NDUFB8: variants seen among roughly 807,000 people sequenced by gnomAD.
NDUFB8 encodes NADH:ubiquinone oxidoreductase subunit B8.
NDUFB8 carries 17 observed loss-of-function variants against 26.0 expected under a neutral mutation model. The observed-to-expected ratio is 0.65, with a 90% CI of 0.45 to 0.98. The LOEUF (loss-of-function observed/expected upper bound fraction) is 0.98, where lower values mean the gene tolerates loss of function less well. Among genes scored for constraint, NDUFB8 ranks in the 50% least tolerant of loss-of-function variants. The pLI is 0.00. For synonymous variants in NDUFB8, 89 were observed against 93.1 expected (o/e 0.96, Z 0.25); for missense variants, 238 against 255.0 (o/e 0.93, Z 0.45).
chr10:100,529,168 A>C, intron 2 of NDUFB8: 32 of 378,454 alleles, frequency 8.5e-5, no homozygotes, highest in East Asian at 2.4e-4. Context: ...TCATTTGAGG[A>C]AACAGCCTGA....
rs115871008 is a variant in NDUFB8, at chr10:100,526,859, T to G, written c.312+116A>C. ...TCTCAGATCTCACATCACTGGACCT[T>G]GCTTCCTTGAGCAGGAAAGCTTAGT... On this transcript the variant is annotated intron_variant, in intron 3 of 4. Coordinates refer to ENST00000299166, the MANE Select transcript of NDUFB8 (RefSeq NM_005004.4). The G allele has an allele frequency of 2.3e-3, 2,278 of 991,654 alleles. 22 individuals are homozygous for G. In the African/African-American group the frequency reaches 0.026, roughly 11 times the overall value. The allele number at this position is 991,654 out of a possible 1,614,324, so 61.4% of individuals were successfully genotyped here.
intron 3 of NDUFB8, 85 bp downstream of exon 3, chr10:100,526,890 T>C: frequency 7.8e-7 from 1 of 1,279,882 alleles, no homozygotes; most frequent in Non-Finnish European, 1.1e-6. Flanking sequence ...TTAGTGTTAC[T>C]TGGTCAAAGA....
chr10:100,524,167 G>A lies in NDUFB8; in HGVS notation c.469-238C>T, dbSNP rs141930456. On this transcript the variant is annotated intron_variant, in intron 4 of 4. Coordinates refer to ENST00000299166, the MANE Select transcript of NDUFB8 (RefSeq NM_005004.4). The surrounding 1 kb of genome is among the most constrained non-coding windows in gnomAD (Gnocchi z 4.0). ...GTGAGAGAGAAGGAGAAAGGGGGAG[G>A]GAAGGGGGTTAGGGAAAGGAGGGGA... 1.9e-4 allele frequency: 300 copies of A among 1,549,858 alleles called. 1 individual carries two copies. In the African/African-American group the frequency reaches 3.7e-3, roughly 19 times the overall value.
rs372070387 is a variant in NDUFB8, at chr10:100,523,934, A to G, written c.469-5T>C. The G allele has an allele frequency of 1.9e-6, 3 of 1,614,134 alleles. No individual in the cohort carries two copies. The highest frequency in any genetic ancestry group is 2.2e-5 in the East Asian group (1 of 44,888). On this transcript the variant is annotated splice_polypyrimidine_tract_variant and splice_region_variant and intron_variant, in intron 4 of 4. Transcript: ENST00000299166. Reference sequence around the variant, plus strand: ...GTAAGGATACTGCTTTGGTCCCTACAGAAAAAAACACAGGTCAGCAAGAAC... The same window carrying G: ...GTAAGGATACTGCTTTGGTCCCTACGGAAAAAAACACAGGTCAGCAAGAAC...
chr10:100,526,432 C>T lies in NDUFB8; in HGVS notation c.435G>A (p.Trp145Ter). ...GFLAFMIFMC[W>*]VGDVYPVYQP... is the part of the protein sequence containing the mutation. ...GGTAGACAGGGTACACGTCCCCCAC[C>T]CAGCACATGAATATCATGAAAGCCA... is the stretch of plus-strand genomic sequence containing the variant. Residue 145 changes from tryptophan (W) to a stop codon, truncating the protein, a stop_gained, in exon 4 of 5, where the codon TGG becomes TGA. Coordinates refer to ENST00000299166, the MANE Select transcript of NDUFB8 (RefSeq NM_005004.4). LOFTEE classifies it high-confidence loss of function. 6.2e-7 allele frequency: 1 copy of T among 1,611,106 alleles called. No individual in the cohort carries two copies. The highest frequency in any genetic ancestry group is 2.2e-5 in the East Asian group (1 of 44,736).
At position 100,524,536 on chromosome 10, in the gene NDUFB8, C is replaced by T. The variant is rs2067761121; in HGVS notation, c.469-607G>A. Among the ~76,000 whole-genome samples the T allele has an allele frequency of 1.3e-5, 2 of 152,212 alleles. No individual in the cohort carries two copies. Among genetic ancestry groups the T allele is most frequent in the African/African-American group, 4.8e-5 (2 of 41,456 alleles). Reference sequence around the variant, plus strand: ...AGAACTGAAAAATGGAAGAGCCACACTGTTCCTTGCTCTCCTGAAGTGAAG... The same window carrying T: ...AGAACTGAAAAATGGAAGAGCCACATTGTTCCTTGCTCTCCTGAAGTGAAG... On this transcript the variant is annotated intron_variant, in intron 4 of 4. Transcript: ENST00000299166. The surrounding 1 kb of genome is among the most constrained non-coding windows in gnomAD (Gnocchi z 4.0).
upstream of NDUFB8, chr10:100,529,892 G>C: frequency 6.3e-7 from 1 of 1,597,474 alleles, no homozygotes; most frequent in Non-Finnish European, 8.5e-7. Context: ...ATGCGCAAAG[G>C]CCTGTCACGG....
Position 100,524,002 on chromosome 10 carries a change from C to T in NDUFB8, c.469-73G>A. On this transcript the variant is annotated intron_variant, in intron 4 of 4. Transcript: ENST00000299166. The surrounding 1 kb of genome is among the most constrained non-coding windows in gnomAD (Gnocchi z 4.0). The stretch of plus-strand genomic sequence containing the variant: ...CTGGCTACACCCCACTCTGAGTTAA[C>T]AATCACGCATGGTAAATGGGTACAC... 1 of 1,606,438 alleles carries T rather than the reference C, an allele frequency of 6.2e-7. No homozygotes were observed. The highest frequency in any genetic ancestry group is 1.1e-5 in the South Asian group (1 of 89,798).
intron 2 of NDUFB8, 82 bp downstream of exon 2, chr10:100,529,298 A>C: frequency 1.5e-6 from 2 of 1,294,404 alleles, no homozygotes; most frequent in Non-Finnish European, 1.0e-6. Context: ...AGGTTCGGGA[A>C]AAAGGGTCAC....
In NDUFB8 at chr10:100,526,959, G is replaced by T. The variant is rs1852061940; in HGVS notation, c.312+16C>A. 1 of 1,608,390 alleles carries T rather than the reference G, an allele frequency of 6.2e-7. No homozygotes were observed. The highest frequency in any genetic ancestry group is 1.7e-5 in the Admixed American group (1 of 60,012). On this transcript the variant is annotated intron_variant, in intron 3 of 4. Transcript: ENST00000299166. ...CAAAGAGAGAAGGAAGGTCAAATGA[G>T]ATATGGTTCTCTTACCGGTTCACCC...
In NDUFB8 at chr10:100,526,226, A is replaced by G. The variant is rs564081571; in HGVS notation, c.468+173T>C. On this transcript the variant is annotated intron_variant, in intron 4 of 4. Transcript: ENST00000299166. ...CTGGTCCAAGAAGTAGGGGTGGAGA[A>G]GTGCTGTGGTACTTGTGGCAGGCCA... 5.2e-5 allele frequency: 32 copies of G among 610,770 alleles called. No homozygotes were observed. In the African/African-American group the frequency reaches 5.4e-4, roughly 10 times the overall value. 37.8% of individuals were successfully genotyped at this position (610,770 alleles called of 1,614,324 possible).
chr10:100,529,580 C>T, intron 1 of NDUFB8, 74 bp from the exon 2 acceptor site: 8 of 1,593,978 alleles, frequency 5.0e-6, no homozygotes, highest in Non-Finnish European at 6.8e-6. Flanking sequence ...GTCGCAGGGG[C>T]TGCAGAGGTC....
Position 100,529,595 on chromosome 10 carries a change from C to T in NDUFB8, c.86-89G>A, listed in dbSNP as rs1309533397. 3.8e-6 allele frequency: 6 copies of T among 1,583,138 alleles called. No homozygotes were observed. In the Admixed American group the frequency reaches 9.8e-5, roughly 26 times the overall value. On this transcript the variant is annotated intron_variant, in intron 1 of 4. Transcript: ENST00000299166. ...GTCGCAGGGGCTGCAGAGGTCCGAG[C>T]CCGGGACTTCGCAGGATCAGTGCGA...
At chr10:100,529,195 A>C in intron 2 of NDUFB8, 185 bp downstream of exon 2, 2 of 445,444 alleles carry the variant, frequency 4.5e-6, no homozygotes, top group Non-Finnish European at 3.8e-6. Flanking sequence ...GAGAAAATTG[A>C]AGTCCTCTCA....
chr10:100,526,462 A>G lies in NDUFB8; in HGVS notation c.405T>C (p.Gly135=), dbSNP rs746623340. The change falls in exon 4 of 5, where the codon GGT becomes GGC. Residue 135 remains glycine, a synonymous_variant. Coordinates refer to ENST00000299166, the MANE Select transcript of NDUFB8 (RefSeq NM_005004.4). ...SWHVMCMQLF[G]FLAFMIFMCW... is the part of the protein sequence containing the mutation. Reference sequence around the variant, plus strand: ...ACATGAATATCATGAAAGCCAGGAAACCGAAGAGCTGCATACACATGACAT... The same window carrying G: ...ACATGAATATCATGAAAGCCAGGAAGCCGAAGAGCTGCATACACATGACAT... 4 of 1,612,342 alleles carry G rather than the reference A, an allele frequency of 2.5e-6. No individual in the cohort carries two copies. The South Asian group carries it at 4.4e-5, about 18-fold the overall frequency.
At chr10:100,528,760 T>G (rs1265264381) in intron 2 of NDUFB8, among the ~76,000 whole-genome samples, 6 of 152,050 alleles carry the variant, frequency 3.9e-5, no homozygotes, top group Non-Finnish European at 8.8e-5. Flanking sequence ...AGAGTGACAT[T>G]AGGACAGGAA....
chr10:100,529,496 C>A lies in NDUFB8; in HGVS notation c.96G>T (p.Met32Ile). Residue 32 changes from methionine to isoleucine, a missense_variant, in exon 2 of 5, where the codon ATG becomes ATT. Met to Ile is a conservative substitution (Grantham distance 10, BLOSUM62 1). Transcript: ENST00000299166. ...AGGGCCCCGGGAACATGTCCTTGGTCATGTGGGAGGCTAGAACGCAGAAGA... is the reference window on the plus strand; with the variant it reads ...AGGGCCCCGGGAACATGTCCTTGGTAATGTGGGAGGCTAGAACGCAGAAGA... ...MPLGARTASH[M>I]TKDMFPGPYP... is the part of the protein sequence containing the mutation. 1.2e-6 allele frequency: 2 copies of A among 1,611,948 alleles called. No individual in the cohort carries two copies. The highest frequency in any genetic ancestry group is 2.2e-5 in the South Asian group (2 of 90,924).
Position 100,529,533 on chromosome 10 carries a change from A to C in NDUFB8, c.86-27T>G, listed in dbSNP as rs759111839. 7.5e-6 allele frequency: 12 copies of C among 1,606,028 alleles called. No individual in the cohort carries two copies. In the Admixed American group the frequency reaches 2.1e-4, roughly 28 times the overall value. ...TAGAACGCAGAAGAGAACAGGTCAG[A>C]AGCGAGCCCGCTCTCCAGCCGCTCC... On this transcript the variant is annotated intron_variant, in intron 1 of 4. Transcript: ENST00000299166.
Position 100,524,180 on chromosome 10 carries a change from G to C in NDUFB8, c.469-251C>G. On this transcript the variant is annotated intron_variant, in intron 4 of 4. Coordinates refer to ENST00000299166, the MANE Select transcript of NDUFB8 (RefSeq NM_005004.4). This position sits in a 1 kb window ranked among gnomAD's most constrained non-coding sequence, Gnocchi z 4.0. Reference sequence around the variant, plus strand: ...AGAAAGGGGGAGGGAAGGGGGTTAGGGAAAGGAGGGGAAGGGAGGAAGACA... The same window carrying C: ...AGAAAGGGGGAGGGAAGGGGGTTAGCGAAAGGAGGGGAAGGGAGGAAGACA... 1.3e-6 allele frequency: 2 copies of C among 1,507,534 alleles called. No homozygotes were observed. The highest frequency in any genetic ancestry group is 2.4e-5 in the South Asian group (2 of 83,768). 93.4% of individuals were successfully genotyped at this position (1,507,534 alleles called of 1,614,324 possible).
Sources: allele counts gnomAD v4.1 joint callset (sites outside exome capture counted in the v4.1 genomes callset), GRCh38; gene constraint gnomAD v4.1.1; non-coding constraint Gnocchi (gnomAD v3.1); transcripts MANE v1.5; gene names NCBI Gene and HGNC (gene_info 2026-07-23, HGNC 2026-07-21).